Variants in IL1RL1 observed in about 807,000 individuals in gnomAD.
The protein encoded by IL1RL1 is interleukin 1 receptor like 1.
A neutral mutation model predicts 50.9 loss-of-function variants in IL1RL1; 32 were observed. The ratio of observed to expected loss-of-function variants is 0.63; its 90% confidence interval spans 0.47 to 0.84. IL1RL1 has a LOEUF of 0.84. Ranked by LOEUF, IL1RL1 falls within the 40% of genes least tolerant of loss-of-function variation. IL1RL1 has a pLI of 0.00. For missense variants in IL1RL1, 773 were observed against 662.9 expected (o/e 1.17, Z -1.82); for synonymous variants, 275 against 236.0 (o/e 1.17, Z -1.51).
intron 4 of IL1RL1, 45 bp from the exon 5 acceptor site, chr2:102,340,621 A>G (rs751771266): frequency 6.4e-7 from 1 of 1,559,188 alleles, no homozygotes; most frequent in East Asian, 2.3e-5. Flanking sequence ...ATAAATAAAT[A>G]AAAGTGAAGA....
intron 1 of IL1RL1, among the ~76,000 whole-genome samples, chr2:102,335,030 G>A (rs1371518527): frequency 6.6e-6 from 1 of 152,146 alleles, no homozygotes; most frequent in African/African-American, 2.4e-5. Context: ...AGATTAATCT[G>A]AAAAGGGAGA....
intron 1 of IL1RL1, among the ~76,000 whole-genome samples, chr2:102,334,991 A>T (rs968553751): frequency 2.6e-5 from 4 of 152,156 alleles, no homozygotes; most frequent in African/African-American, 4.8e-5. Flanking sequence ...AATTAAGAAA[A>T]AGCTGGTTCA....
chr2:102,351,795 C>T lies in IL1RL1; in HGVS notation c.1545C>T (p.Asp515=). ...AGGGGACCATCAAGTGGAGGGAGGACCACATTGCCAATAAAAGGTCCCTGA... is the reference window on the plus strand; with the variant it reads ...AGGGGACCATCAAGTGGAGGGAGGATCACATTGCCAATAAAAGGTCCCTGA... ...KVQGTIKWRE[D]HIANKRSLNS... is the part of the protein sequence containing the mutation. The change falls in exon 11 of 11, where the codon GAC becomes GAT. Residue 515 remains aspartate, a synonymous_variant. Coordinates refer to ENST00000233954, the MANE Select transcript of IL1RL1 (RefSeq NM_016232.5). 1 of 1,614,014 alleles carries T rather than the reference C, an allele frequency of 6.2e-7. No homozygotes were observed. The highest frequency in any genetic ancestry group is 8.5e-7 in the Non-Finnish European group (1 of 1,179,964).
intron 1 of IL1RL1, among the ~76,000 whole-genome samples, chr2:102,330,297 A>T (rs1393398978): frequency 6.7e-6 from 1 of 149,652 alleles, no homozygotes; most frequent in African/African-American, 2.5e-5. Flanking sequence ...CAATGAGAAC[A>T]CATGGACACA....
At chr2:102,343,562 G>C in intron 8 of IL1RL1, 147 bp downstream of exon 8, 3 of 1,545,960 alleles carry the variant, frequency 1.9e-6, no homozygotes, top group Admixed American at 1.9e-5. Flanking sequence ...GTTGTTTGCT[G>C]TCTGATCTTT....
rs766678752 is a variant in IL1RL1, at chr2:102,351,780, C to A, written c.1530C>A (p.Ile510=). ...LQHLMKVQGT[I]KWREDHIANK... Reference sequence around the variant, plus strand: ...ATCTTATGAAAGTACAGGGGACCATCAAGTGGAGGGAGGACCACATTGCCA... The same window carrying A: ...ATCTTATGAAAGTACAGGGGACCATAAAGTGGAGGGAGGACCACATTGCCA... The change falls in exon 11 of 11, where the codon ATC becomes ATA. Residue 510 remains isoleucine (I), a synonymous_variant. Coordinates refer to ENST00000233954, the MANE Select transcript of IL1RL1 (RefSeq NM_016232.5). 3 of 1,613,980 alleles carry A rather than the reference C, an allele frequency of 1.9e-6. No individual in the cohort carries two copies. The highest frequency in any genetic ancestry group is 1.3e-5 in the African/African-American group (1 of 74,896).
At chr2:102,342,427 C>T (rs973938184) in intron 6 of IL1RL1, 133 bp downstream of exon 6, 1 of 623,224 alleles carries the variant, frequency 1.6e-6, no homozygotes, top group African/African-American at 1.8e-5. Flanking sequence ...GGTGACATCC[C>T]TGAAAGCACC....
intron 1 of IL1RL1, among the ~76,000 whole-genome samples, chr2:102,332,813 T>C (rs1188595006): frequency 6.6e-6 from 1 of 150,700 alleles, no homozygotes; most frequent in Non-Finnish European, 1.5e-5. Flanking sequence ...TTATGTTATG[T>C]AAATTTCAGC....
intron 1 of IL1RL1, among the ~76,000 whole-genome samples, chr2:102,327,362 C>G (rs4490207): frequency 0.47 from 70,507 of 148,918 alleles, 17,001 homozygotes; most frequent in Middle Eastern, 0.64. Context: ...GCAGTGTGTA[C>G]AGGGAAATTT....
At chr2:102,345,179 T>A (rs578141913) in intron 8 of IL1RL1, 1 of 949,960 alleles carries the variant, frequency 1.1e-6, no homozygotes, top group African/African-American at 1.8e-5. Context: ...GCCCAGACAA[T>A]GTGAAACATC....
At chr2:102,352,173 C>G, downstream of IL1RL1, 1 of 452,282 alleles carries the variant, frequency 2.2e-6, no homozygotes, top group Non-Finnish European at 3.9e-6. Flanking sequence ...TGCCTGTCTT[C>G]ACTGTGGTGT....
chr2:102,329,984 A>G (rs1677127265), intron 1 of IL1RL1, among the ~76,000 whole-genome samples: 1 of 152,230 alleles, frequency 6.6e-6, no homozygotes, highest in South Asian at 2.1e-4. Context: ...CCATCCCATT[A>G]CTGGGTATAT....
rs1033513745 is a variant in IL1RL1 at position 102,345,001 on chromosome 2, T to G, written c.970+1586T>G. 15 of 952,108 alleles carry G rather than the reference T, an allele frequency of 1.6e-5. 2 individuals carry two copies. In the Middle Eastern group the frequency reaches 6.0e-3, roughly 382 times the overall value. 59.0% of individuals were successfully genotyped at this position (952,108 alleles called of 1,614,324 possible). A position where few individuals can be genotyped will look rare whatever the true frequency, so the allele number is the denominator to read the frequency against. On this transcript the variant is annotated intron_variant, in intron 8 of 10. Coordinates refer to ENST00000233954, the MANE Select transcript of IL1RL1 (RefSeq NM_016232.5). The stretch of plus-strand genomic sequence containing the variant: ...GACACTATATAATCTTTTAAAAATG[T>G]AACATTCTTTTTTATATATAAATAA...
At chr2:102,329,432 A>G (rs1677110898) in intron 1 of IL1RL1, among the ~76,000 whole-genome samples, 1 of 152,236 alleles carries the variant, frequency 6.6e-6, no homozygotes, top group Non-Finnish European at 1.5e-5. Flanking sequence ...GGCATGGGCA[A>G]GGACTTCATG....
chr2:102,344,656 C>A, intron 8 of IL1RL1: 1 of 558,832 alleles, frequency 1.8e-6, no homozygotes, highest in Non-Finnish European at 2.3e-6. Flanking sequence ...GTCCTTAGTG[C>A]AATACCTGGC....
At chr2:102,325,325 C>T (rs141861176) in intron 1 of IL1RL1, among the ~76,000 whole-genome samples, 2,175 of 152,084 alleles carry the variant, frequency 0.014, 53 homozygotes, top group African/African-American at 0.048. Flanking sequence ...CAAACAGAAA[C>T]GACATCCACA....
chr2:102,343,165 G>A lies in IL1RL1; in HGVS notation c.812G>A (p.Gly271Glu). ...GAACCAAGAATTCAACAAGAGGAAG[G>A]GCAAAATCAAAGGTATTTTTATATT... is the stretch of plus-strand genomic sequence containing the variant. ...FGEPRIQQEE[G>E]QNQSFSNGLA... is the part of the protein sequence containing the mutation. Residue 271 changes from glycine to glutamate, a missense_variant, in exon 7 of 11, where the codon GGG becomes GAG. Transcript: ENST00000233954. 2 of 1,613,982 alleles carry A rather than the reference G, an allele frequency of 1.2e-6. No homozygotes were observed. The highest frequency in any genetic ancestry group is 1.7e-6 in the Non-Finnish European group (2 of 1,179,990).
chr2:102,342,277 TA>T lies in IL1RL1; in HGVS notation c.668del (p.Lys223ArgfsTer11). ...ATCGGAGCCCCTGCACAAAATGAAA[TA>T]AAGGAAGTGGAAATTGGTAAGAAAA... ...PVIGAPAQNE[I>X]KEVEIGKNAN... On this transcript the variant is annotated frameshift_variant, in exon 6 of 11. Coordinates refer to ENST00000233954, the MANE Select transcript of IL1RL1 (RefSeq NM_016232.5). LOFTEE classifies it high-confidence loss of function. 1 of 1,610,300 alleles carries T rather than the reference TA, an allele frequency of 6.2e-7. No individual in the cohort carries two copies. Among genetic ancestry groups the T allele is most frequent in the Non-Finnish European group, 8.5e-7 (1 of 1,176,738 alleles).
chr2:102,333,701 T>C (rs1444527872), intron 1 of IL1RL1, among the ~76,000 whole-genome samples: 1 of 152,186 alleles, frequency 6.6e-6, no homozygotes, highest in Non-Finnish European at 1.5e-5. Flanking sequence ...ATTGTGAATA[T>C]TGTACCCAGT....
Sources: allele counts gnomAD v4.1 joint callset (sites outside exome capture counted in the v4.1 genomes callset), GRCh38; gene constraint gnomAD v4.1.1; transcripts MANE v1.5; gene names NCBI Gene and HGNC (gene_info 2026-07-23, HGNC 2026-07-21).